The following CADPS variants were observed in gnomAD, a reference collection of about 807,000 sequenced individuals.
CADPS encodes the protein calcium dependent secretion activator, also known as calcium-dependent secretion activator 1.
CADPS carries 57 observed loss-of-function variants against 167.3 expected under a neutral mutation model. The observed-to-expected ratio is 0.34, with a 90% confidence interval of 0.28 to 0.42. The LOEUF is 0.42. Ranked by LOEUF, CADPS falls within the 20% of genes least tolerant of loss-of-function variation. The pLI is 1.00. For missense variants in CADPS, 1,414 were observed against 1,738.1 expected (o/e 0.81, Z 3.32); for synonymous variants, 676 against 635.3 (o/e 1.06, Z -0.96).
At chr3:62,665,695 G>A (rs540984734) in intron 3 of CADPS, among the ~76,000 whole-genome samples, 4 of 152,242 alleles carry the variant, frequency 2.6e-5, no homozygotes, top group Non-Finnish European at 5.9e-5. Flanking sequence ...TTTCTTTTGG[G>A]GAGGCTGTAG....
intron 3 of CADPS, among the ~76,000 whole-genome samples, chr3:62,731,865 G>A (rs1050793175): frequency 1.2e-4 from 16 of 136,416 alleles, no homozygotes; most frequent in Non-Finnish European, 1.9e-4. Context: ...AGGAAAGAAA[G>A]GGTAATTCGT....
At chr3:62,408,649 T>C (rs936257703) in intron 28 of CADPS, among the ~76,000 whole-genome samples, 2 of 152,220 alleles carry the variant, frequency 1.3e-5, no homozygotes, top group Admixed American at 6.5e-5. Flanking sequence ...TGATAGCCAC[T>C]CTCATTTACA....
intron 1 of CADPS, among the ~76,000 whole-genome samples, chr3:62,865,721 T>C (rs1335147303): frequency 7.2e-5 from 11 of 152,166 alleles, no homozygotes; most frequent in Admixed American, 7.2e-4. Flanking sequence ...TTTTTATTGA[T>C]GTTTTCTACA....
At chr3:62,477,378 A>T (rs186343204) in intron 23 of CADPS, among the ~76,000 whole-genome samples, 10 of 150,724 alleles carry the variant, frequency 6.6e-5, no homozygotes, top group Admixed American at 6.6e-4. Context: ...AGGAACTTGG[A>T]TGTGTATCTG....
chr3:62,576,877 G>T (rs1035978429), intron 8 of CADPS, among the ~76,000 whole-genome samples: 1 of 150,014 alleles, frequency 6.7e-6, no homozygotes. Flanking sequence ...AGGAAAGTGA[G>T]GTACACATGT....
intron 3 of CADPS, among the ~76,000 whole-genome samples, chr3:62,665,091 T>C (rs566837371): frequency 1.3e-5 from 2 of 152,312 alleles, no homozygotes; most frequent in East Asian, 1.9e-4. Context: ...TTGATGCCTG[T>C]ACCAAACACC....
intron 3 of CADPS, among the ~76,000 whole-genome samples, chr3:62,750,801 G>A (rs1345714096): frequency 6.6e-6 from 1 of 152,100 alleles, no homozygotes; most frequent in Non-Finnish European, 1.5e-5. Flanking sequence ...TTTCCCACAT[G>A]GCAAGCCTTC....
At chr3:62,547,369 G>A (rs1244545939) in intron 11 of CADPS, among the ~76,000 whole-genome samples, 1 of 152,102 alleles carries the variant, frequency 6.6e-6, no homozygotes, top group Non-Finnish European at 1.5e-5. Flanking sequence ...AGTCTCCATA[G>A]CTGATTGTAG....
intron 26 of CADPS, among the ~76,000 whole-genome samples, chr3:62,461,885 C>A (rs1231535170): frequency 6.6e-6 from 1 of 152,242 alleles, no homozygotes; most frequent in African/African-American, 2.4e-5. Context: ...ACACACCTTT[C>A]TAGCTCGTTG....
chr3:62,626,006 A>C (rs184885600), intron 6 of CADPS: 1 of 151,436 alleles, frequency 6.6e-6, no homozygotes, highest in Admixed American at 6.5e-5. Context: ...AAATTTATCA[A>C]ATAAACAATT....
chr3:62,508,759 AAAC>A (rs1447547318), intron 17 of CADPS, among the ~76,000 whole-genome samples: 13 of 152,344 alleles, frequency 8.5e-5, no homozygotes, highest in Admixed American at 4.6e-4. Context: ...AATTCTCAAT[AAAC>A]AACAATTTTT....
At chr3:62,669,960 T>A (rs1010502661) in intron 3 of CADPS, among the ~76,000 whole-genome samples, 10 of 152,104 alleles carry the variant, frequency 6.6e-5, no homozygotes, top group African/African-American at 2.4e-4. Flanking sequence ...CTTTAAAAGG[T>A]TAAGTAGTTT....
chr3:62,430,448 A>G (rs2053690448), intron 28 of CADPS, among the ~76,000 whole-genome samples: 2 of 152,136 alleles, frequency 1.3e-5, no homozygotes. Flanking sequence ...GCAGATTTGG[A>G]TGGTGGGAGT....
At chr3:62,827,321 G>T (rs2074244255) in intron 1 of CADPS, among the ~76,000 whole-genome samples, 1 of 152,192 alleles carries the variant, frequency 6.6e-6, no homozygotes, top group African/African-American at 2.4e-5. Flanking sequence ...GATACTGGGG[G>T]ACACCTAATA....
At chr3:62,493,449 A>G (rs1341399377) in intron 19 of CADPS, among the ~76,000 whole-genome samples, 196 bp downstream of exon 19, 2 of 152,200 alleles carry the variant, frequency 1.3e-5, no homozygotes, top group Admixed American at 6.5e-5. Context: ...CACTTTCCGG[A>G]GCATTCACCA....
At chr3:62,670,909 G>A (rs1437118045) in intron 3 of CADPS, among the ~76,000 whole-genome samples, 1 of 152,148 alleles carries the variant, frequency 6.6e-6, no homozygotes, top group African/African-American at 2.4e-5. Context: ...GGAATTGCTA[G>A]CAAGCTTTCT....
chr3:62,706,073 G>A (rs1302266820), intron 3 of CADPS, among the ~76,000 whole-genome samples: 3 of 152,062 alleles, frequency 2.0e-5, no homozygotes, highest in African/African-American at 7.3e-5. Flanking sequence ...CACCCTCGGG[G>A]TTACATGGCT....
At chr3:62,450,460 C>G (rs909493426) in intron 26 of CADPS, among the ~76,000 whole-genome samples, 5 of 152,232 alleles carry the variant, frequency 3.3e-5, no homozygotes, top group Admixed American at 6.5e-5. Flanking sequence ...TGGCATCCCT[C>G]CTGAGCAGGT....
intron 3 of CADPS, among the ~76,000 whole-genome samples, chr3:62,738,080 C>A (rs964076338): frequency 3.3e-5 from 5 of 152,130 alleles, no homozygotes; most frequent in Non-Finnish European, 5.9e-5. Flanking sequence ...ACACTCAATT[C>A]ACATTGAATA....
Sources: allele counts gnomAD v4.1 joint callset (sites outside exome capture counted in the v4.1 genomes callset), GRCh38; gene constraint gnomAD v4.1.1; transcripts MANE v1.5; gene names NCBI Gene and HGNC (gene_info 2026-07-23, HGNC 2026-07-21).